The following LGSN variants were observed in gnomAD, a reference collection of about 807,000 sequenced individuals.
LGSN encodes the protein lengsin.
In LGSN, 21 loss-of-function variants were observed where a neutral mutation model predicts 19.5. The ratio of observed to expected loss-of-function variants is 1.07; its 90% confidence interval spans 0.76 to 1.55. The LOEUF (loss-of-function observed/expected upper bound fraction) is 1.55. LGSN is among the 40% of genes most tolerant of loss of function. LGSN has a pLI of 0.00. For synonymous variants in LGSN, 257 were observed against 215.6 expected, an observed-to-expected ratio of 1.19 and a Z score of -1.68; for missense variants, 673 against 608.5, an observed-to-expected ratio of 1.11 and a Z score of -1.12.
At chr6:63,497,350 A>C in the LGSN span, among the ~76,000 whole-genome samples, 87 of 152,036 alleles carry the variant, frequency 5.7e-4, no homozygotes, top group Non-Finnish European at 1.1e-3. Flanking sequence ...GGAGTTCGAG[A>C]CCAGCCTGAC....
the LGSN span, chr6:63,441,345 C>T: frequency 2.1e-6 from 1 of 478,884 alleles, no homozygotes; most frequent in Non-Finnish European, 4.2e-6. Flanking sequence ...GCACCTGGCT[C>T]TCCTCAACAA....
chr6:63,352,478 TAG>T, the LGSN span, among the ~76,000 whole-genome samples: 2 of 152,030 alleles, frequency 1.3e-5, no homozygotes, highest in Non-Finnish European at 2.9e-5. Context: ...TCTGGCAATA[TAG>T]AGAGTCTCCA....
At chr6:63,491,900 G>A in the LGSN span, among the ~76,000 whole-genome samples, 1 of 152,062 alleles carries the variant, frequency 6.6e-6, no homozygotes, top group Non-Finnish European at 1.5e-5. Flanking sequence ...GTAGTGGTGT[G>A]TGCCTGTAAT....
At chr6:63,339,579 G>C in the LGSN span, among the ~76,000 whole-genome samples, 1 of 152,106 alleles carries the variant, frequency 6.6e-6, no homozygotes, top group East Asian at 1.9e-4. Flanking sequence ...CAGGCGAAGT[G>C]AGTTTCTTGT....
At chr6:63,547,172 G>A in the LGSN span, among the ~76,000 whole-genome samples, 1 of 151,404 alleles carries the variant, frequency 6.6e-6, no homozygotes, top group Admixed American at 6.6e-5. Context: ...GAAGTTTACA[G>A]GCTAGTAGGG....
chr6:63,361,125 T>C, the LGSN span, among the ~76,000 whole-genome samples: 1 of 152,214 alleles, frequency 6.6e-6, no homozygotes, highest in African/African-American at 2.4e-5. Context: ...GAGAAGGCAG[T>C]CTGTCCATTC....
At chr6:63,371,133 T>C in the LGSN span, among the ~76,000 whole-genome samples, 6 of 152,256 alleles carry the variant, frequency 3.9e-5, no homozygotes, top group Non-Finnish European at 8.8e-5. Flanking sequence ...CAAAGCAAGT[T>C]ATAAAACTAC....
At chr6:63,401,407 A>G in the LGSN span, among the ~76,000 whole-genome samples, 1 of 152,096 alleles carries the variant, frequency 6.6e-6, no homozygotes. Flanking sequence ...CTCAAAAAAA[A>G]AAAAAAAGTT....
At chr6:63,416,719 C>T in the LGSN span, among the ~76,000 whole-genome samples, 5 of 151,500 alleles carry the variant, frequency 3.3e-5, no homozygotes, top group Non-Finnish European at 5.9e-5. Flanking sequence ...AGGCATCCAC[C>T]ACCACGCCCG....
At chr6:63,322,174 G>T (rs148203533), upstream of LGSN, among the ~76,000 whole-genome samples, 1 of 152,264 alleles carries the variant, frequency 6.6e-6, no homozygotes, top group Non-Finnish European at 1.5e-5. Context: ...TTAGGTAAAG[G>T]ATTAAATCTA....
At chr6:63,395,462 G>A in the LGSN span, 3 of 152,288 alleles carry the variant, frequency 2.0e-5, no homozygotes, top group South Asian at 6.2e-4. Context: ...CCAGAGAGAG[G>A]GCCTTAGAGA....
chr6:63,488,443 A>T, the LGSN span, among the ~76,000 whole-genome samples: 5 of 152,258 alleles, frequency 3.3e-5, no homozygotes, highest in Middle Eastern at 3.4e-3. Flanking sequence ...ACTCTGCTCC[A>T]TACCTTGATG....
the LGSN span, among the ~76,000 whole-genome samples, chr6:63,375,625 G>C: frequency 6.6e-6 from 1 of 152,202 alleles, no homozygotes; most frequent in East Asian, 1.9e-4. Context: ...AGAGATTAGA[G>C]AGTAATGCAT....
the LGSN span, among the ~76,000 whole-genome samples, chr6:63,509,073 C>CA: frequency 1.4e-5 from 2 of 143,552 alleles, no homozygotes; most frequent in Non-Finnish European, 3.1e-5. Flanking sequence ...AAAAAATTTT[C>CA]TTTTTTTTTT....
the LGSN span, among the ~76,000 whole-genome samples, chr6:63,376,576 T>A: frequency 6.6e-6 from 1 of 152,220 alleles, no homozygotes; most frequent in Non-Finnish European, 1.5e-5. Context: ...CACTCAGCCT[T>A]TTCTGAGCTT....
At chr6:63,283,555 A>G (rs1767401762) in intron 3 of LGSN, among the ~76,000 whole-genome samples, 1 of 151,970 alleles carries the variant, frequency 6.6e-6, no homozygotes, top group African/African-American at 2.4e-5. Context: ...AGTTGGTTGT[A>G]AGACTTAAAC....
the LGSN span, among the ~76,000 whole-genome samples, chr6:63,563,171 T>C: frequency 6.6e-6 from 1 of 152,228 alleles, no homozygotes; most frequent in African/African-American, 2.4e-5. Flanking sequence ...CCTTCTCCAA[T>C]CCATTCTCCA....
At chr6:63,388,042 T>G in the LGSN span, among the ~76,000 whole-genome samples, 2 of 138,826 alleles carry the variant, frequency 1.4e-5, no homozygotes, top group African/African-American at 5.1e-5. Context: ...ATTTTTTTGT[T>G]TTTTTTTTTT....
At chr6:63,297,079 C>A (rs1768002291) in intron 1 of LGSN, among the ~76,000 whole-genome samples, 1 of 152,054 alleles carries the variant, frequency 6.6e-6, no homozygotes, top group Non-Finnish European at 1.5e-5. Context: ...CGGTGGCTCA[C>A]ACATGTAATC....
Sources: gnomAD v4.1 joint callset for allele counts (sites outside exome capture counted in the v4.1 genomes callset) on GRCh38, gnomAD v4.1.1 for gene constraint, MANE v1.5 for transcripts, NCBI Gene and HGNC (gene_info 2026-07-23, HGNC 2026-07-21) for gene names.